The following SRP68 variants were observed in gnomAD, a reference collection of about 807,000 sequenced individuals.
SRP68 encodes signal recognition particle 68.
SRP68 carries 15 observed loss-of-function variants against 82.2 expected under a neutral mutation model. That is an observed-to-expected ratio of 0.18 (90% CI 0.12 to 0.28). SRP68 has a LOEUF of 0.28. SRP68 is among the 10% of genes least tolerant of loss of function. SRP68 has a pLI of 1.00. For synonymous variants in SRP68, 261 were observed against 292.6 expected (o/e 0.89, Z 1.10); for missense variants, 595 against 780.5 (o/e 0.76, Z 2.83).
intron 1 of SRP68, among the ~76,000 whole-genome samples, chr17:76,070,650 G>A (rs909041397): frequency 6.6e-6 from 1 of 152,078 alleles, no homozygotes; most frequent in South Asian, 2.1e-4. Flanking sequence ...AGACCAGCCT[G>A]GCCAGCATGG....
intron 8 of SRP68, among the ~76,000 whole-genome samples, chr17:76,056,254 C>T (rs2066713175): frequency 6.6e-6 from 1 of 152,174 alleles, no homozygotes; most frequent in South Asian, 2.1e-4. Context: ...GTCAGAATTC[C>T]TGCCCCACTG....
chr17:76,040,321 C>A, intron 15 of SRP68, 98 bp downstream of exon 15: 1 of 1,231,218 alleles, frequency 8.1e-7, no homozygotes, highest in South Asian at 1.2e-5. Context: ...GGGGGGTTTC[C>A]TTAGAAATTT....
chr17:76,052,148 T>C (rs1312702307), intron 8 of SRP68, among the ~76,000 whole-genome samples: 2 of 152,164 alleles, frequency 1.3e-5, no homozygotes, highest in Non-Finnish European at 2.9e-5. Flanking sequence ...CCCAAAGTGC[T>C]GGGGTTACAG....
At chr17:76,055,737 G>A (rs1406974517) in intron 8 of SRP68, among the ~76,000 whole-genome samples, 1 of 148,168 alleles carries the variant, frequency 6.7e-6, no homozygotes, top group Admixed American at 6.7e-5. Flanking sequence ...CTGGGTGACA[G>A]AGAGAGACTC....
intron 1 of SRP68, among the ~76,000 whole-genome samples, 162 bp from the exon 2 acceptor site, chr17:76,070,606 C>A (rs962313261): frequency 2.6e-5 from 4 of 151,950 alleles, no homozygotes; most frequent in African/African-American, 7.3e-5. Flanking sequence ...TGTGGGAGGC[C>A]GAGGCGGGTG....
Position 76,072,204 on chromosome 17 carries a change from G to A in SRP68, c.184+104C>T, listed in dbSNP as rs941600858. The A allele has an allele frequency of 2.2e-5, 35 of 1,570,930 alleles. No individual in the cohort carries two copies. The African/African-American group carries it at 3.7e-4, about 16-fold the overall frequency. The stretch of plus-strand genomic sequence containing the variant: ...AAGGGCGAGAGAAACTGCAACCCTC[G>A]GCCTCTCCTGCCAGGACTTGTCGGG... On this transcript the variant is annotated intron_variant, in intron 1 of 15. Coordinates refer to ENST00000307877, the MANE Select transcript of SRP68 (RefSeq NM_014230.4). This position sits in a 1 kb window ranked among gnomAD's most constrained non-coding sequence, Gnocchi z 4.5.
intron 8 of SRP68, among the ~76,000 whole-genome samples, chr17:76,055,118 G>A (rs996148652): frequency 2.0e-5 from 3 of 151,378 alleles, no homozygotes; most frequent in African/African-American, 4.9e-5. Flanking sequence ...CACCACACCC[G>A]GCTAATTTTT....
chr17:76,058,119 T>C (rs981144881), intron 7 of SRP68, among the ~76,000 whole-genome samples: 1 of 151,358 alleles, frequency 6.6e-6, no homozygotes, highest in African/African-American at 2.4e-5. Flanking sequence ...ACTACAGGTA[T>C]GTGTCACCAT....
At position 76,039,628 on chromosome 17, in the gene SRP68, T is replaced by C; in HGVS notation, c.*78A>G. On this transcript the variant is annotated 3_prime_UTR_variant, in exon 16 of 16. Transcript: ENST00000307877. ...CGGGCCAATGCAGACCTGGATTTAA[T>C]ATCATGGAACTTGCTGGGATTTTCT... 7.1e-7 allele frequency: 1 copy of C among 1,411,586 alleles called. No homozygotes were observed. The highest frequency in any genetic ancestry group is 9.8e-7 in the Non-Finnish European group (1 of 1,020,412). The allele number at this position is 1,411,586 out of a possible 1,614,324, so 87.4% of individuals were successfully genotyped here.
chr17:76,049,855 TA>T (rs1473518163), intron 9 of SRP68, among the ~76,000 whole-genome samples: 3 of 152,158 alleles, frequency 2.0e-5, no homozygotes, highest in Non-Finnish European at 4.4e-5. Flanking sequence ...CTGGGCTTTT[TA>T]AAATTAGACA....
intron 5 of SRP68, 95 bp from the exon 6 acceptor site, chr17:76,061,314 G>T: frequency 1.0e-6 from 1 of 980,428 alleles, no homozygotes; most frequent in Non-Finnish European, 1.6e-6. Context: ...GCCTTTTGAA[G>T]CTCTCCTACC....
chr17:76,043,749 C>G (rs2066608914), intron 13 of SRP68, 80 bp downstream of exon 13: 1 of 1,455,186 alleles, frequency 6.9e-7, no homozygotes, highest in Admixed American at 2.5e-5. Flanking sequence ...TGGCGCCCAG[C>G]TGTTGTACCC....
intron 8 of SRP68, among the ~76,000 whole-genome samples, chr17:76,051,668 C>T (rs2665973): frequency 0.55 from 83,629 of 152,026 alleles, 26,195 homozygotes; most frequent in African/African-American, 0.86. Flanking sequence ...TTACCCAATA[C>T]AAATCAAACA....
At chr17:76,060,657 G>C in intron 6 of SRP68, 1 of 405,464 alleles carries the variant, frequency 2.5e-6, no homozygotes, top group Admixed American at 4.1e-5. Flanking sequence ...CGTGAACCCT[G>C]ATGTAAACTA....
At position 76,062,711 on chromosome 17, in the gene SRP68, C is replaced by T. The variant is rs185289319; in HGVS notation, c.562-1137G>A. Among the ~76,000 whole-genome samples, 85 of 47,002 alleles carry T rather than the reference C, an allele frequency of 1.8e-3. 24 individuals carry two copies. Among genetic ancestry groups the T allele is most frequent in the Admixed American group, 4.9e-3 (13 of 2,680 alleles). The allele number at this position is 47,002 out of a possible 152,430, so 30.8% of individuals were successfully genotyped here. A position where few individuals can be genotyped will look rare whatever the true frequency, so the allele number is the denominator to read the frequency against. On this transcript the variant is annotated intron_variant, in intron 4 of 15. Coordinates refer to ENST00000307877, the MANE Select transcript of SRP68 (RefSeq NM_014230.4). ...TATACATTATATATTGTATATTATA[C>T]AATATATTATATTTATTTTATATAT... is the stretch of plus-strand genomic sequence containing the variant.
chr17:76,041,932 G>A (rs2066593908), intron 13 of SRP68, among the ~76,000 whole-genome samples: 1 of 151,442 alleles, frequency 6.6e-6, no homozygotes, highest in African/African-American at 2.4e-5. Flanking sequence ...TCACTCTGTT[G>A]CCGCCCAGGG....
chr17:76,068,249 G>A (rs536919610), intron 2 of SRP68, among the ~76,000 whole-genome samples: 26 of 151,728 alleles, frequency 1.7e-4, no homozygotes, highest in Admixed American at 9.9e-4. Flanking sequence ...CCAAGATTGC[G>A]CCATTGCACT....
At position 76,066,313 on chromosome 17, in the gene SRP68, G is replaced by A. The variant is rs148140347; in HGVS notation, c.365+904C>T. On this transcript the variant is annotated intron_variant, in intron 3 of 15. Coordinates refer to ENST00000307877, the MANE Select transcript of SRP68 (RefSeq NM_014230.4). ...CTAAAAATACAAAACTCAGCTGGGC[G>A]TGGTGTCACGTGCCTGTAATCCCAG... 1.2e-3 allele frequency among the ~76,000 whole-genome samples: 176 copies of A among 152,036 alleles called. No individual in the cohort carries two copies. The Middle Eastern group carries it at 0.014, about 12-fold the overall frequency.
chr17:76,049,680 T>C lies in SRP68; in HGVS notation c.1077+748A>G, dbSNP rs1189697566. 2.0e-5 allele frequency: 3 copies of C among 152,308 alleles called. No homozygotes were observed. In the East Asian group the frequency reaches 5.8e-4, roughly 29 times the overall value. The allele number at this position is 152,308 out of a possible 1,614,324, so 9.4% of individuals were successfully genotyped here. A position where few individuals can be genotyped will look rare whatever the true frequency, so the allele number is the denominator to read the frequency against. The stretch of plus-strand genomic sequence containing the variant: ...AGAATTTCTATTTCTATTTATCTCA[T>C]TCAAAAAAGCCCTTATTTTAATGCA... On this transcript the variant is annotated intron_variant, in intron 9 of 15. Transcript: ENST00000307877.
Sources: allele counts gnomAD v4.1 joint callset (sites outside exome capture counted in the v4.1 genomes callset), GRCh38; gene constraint gnomAD v4.1.1; non-coding constraint Gnocchi (gnomAD v3.1); transcripts MANE v1.5; gene names NCBI Gene and HGNC (gene_info 2026-07-23, HGNC 2026-07-21).